Variants in ZNF148 observed in about 807,000 individuals in gnomAD.
ZNF148 encodes the protein Beta-Enolase Repressor Factor-1.
A neutral mutation model predicts 67.7 loss-of-function variants in ZNF148; 7 were observed. The observed-to-expected ratio is 0.10, with a 90% CI of 0.06 to 0.19. The LOEUF is 0.19. Among genes scored for constraint, ZNF148 ranks in the 10% least tolerant of loss-of-function variants. The pLI is 1.00. For missense variants in ZNF148, 583 were observed against 947.1 expected, an observed-to-expected ratio of 0.62 and a Z score of 5.05; for synonymous variants, 333 against 330.7, an observed-to-expected ratio of 1.01 and a Z score of -0.08.
intron 7 of ZNF148, among the ~76,000 whole-genome samples, chr3:125,251,448 C>T (rs1240264025): frequency 6.6e-6 from 1 of 152,160 alleles, no homozygotes; most frequent in African/African-American, 2.4e-5. Flanking sequence ...AGTGAACACA[C>T]CTGTGTAATT....
chr3:125,330,272 C>G (rs1941229113), intron 2 of ZNF148, among the ~76,000 whole-genome samples: 1 of 152,006 alleles, frequency 6.6e-6, no homozygotes, highest in Non-Finnish European at 1.5e-5. Flanking sequence ...CAAGACCCGC[C>G]TGGGCAACAT....
At chr3:125,368,083 T>C (rs1216631417) in intron 1 of ZNF148, among the ~76,000 whole-genome samples, 1 of 152,226 alleles carries the variant, frequency 6.6e-6, no homozygotes, top group Non-Finnish European at 1.5e-5. Context: ...TATGGTTCAC[T>C]TAAATCATTT....
chr3:125,262,584 A>T (rs1937394218), intron 7 of ZNF148, among the ~76,000 whole-genome samples: 1 of 152,260 alleles, frequency 6.6e-6, no homozygotes, highest in Non-Finnish European at 1.5e-5. Flanking sequence ...GGCTGAATTT[A>T]TTAAGAAACA....
At chr3:125,266,504 C>A (rs998323338) in intron 7 of ZNF148, among the ~76,000 whole-genome samples, 1 of 152,080 alleles carries the variant, frequency 6.6e-6, no homozygotes, top group Non-Finnish European at 1.5e-5. Context: ...AGGCAGAAAT[C>A]AAAATATTCT....
At chr3:125,366,820 A>C (rs1372781865) in intron 1 of ZNF148, among the ~76,000 whole-genome samples, 1 of 152,180 alleles carries the variant, frequency 6.6e-6, no homozygotes, top group African/African-American at 2.4e-5. Flanking sequence ...TTTGCCAATC[A>C]AAATCCTATC....
rs538577643 is a variant in ZNF148, at chr3:125,230,517, T to A, written c.*1824A>T. On this transcript the variant is annotated 3_prime_UTR_variant, in exon 9 of 9. Coordinates refer to ENST00000360647, the MANE Select transcript of ZNF148 (RefSeq NM_021964.3). ...AAAGTATACAGGAAACCACATTAAA[T>A]ATAATTTATATTCCTTATCATAAAA... 1 of 152,658 alleles carries A rather than the reference T, an allele frequency of 6.6e-6. No individual in the cohort carries two copies. Among genetic ancestry groups the A allele is most frequent in the South Asian group, 2.1e-4 (1 of 4,830 alleles). The allele number at this position is 152,658 out of a possible 1,614,324, so 9.5% of individuals were successfully genotyped here.
Position 125,276,595 on chromosome 3 carries a change from G to A in ZNF148, c.667+1131C>T, listed in dbSNP as rs576655536. 4.0e-5 allele frequency among the ~76,000 whole-genome samples: 6 copies of A among 151,866 alleles called. No homozygotes were observed. The South Asian group carries it at 8.3e-4, about 21-fold the overall frequency. On this transcript the variant is annotated intron_variant, in intron 7 of 8. Transcript: ENST00000360647. ...ATTACAGGCATGTGCTACCATGCCC[G>A]GCTAATTTTGTATTTTTAGTAGAGA...
chr3:125,246,580 A>G (rs1207601522), intron 7 of ZNF148, among the ~76,000 whole-genome samples: 2 of 152,216 alleles, frequency 1.3e-5, no homozygotes, highest in African/African-American at 4.8e-5. Flanking sequence ...GTAGGAATTT[A>G]AGAAAGAAGC....
intron 4 of ZNF148, among the ~76,000 whole-genome samples, chr3:125,300,955 AAT>A (rs1939556875): frequency 1.8e-5 from 1 of 55,612 alleles, no homozygotes; most frequent in African/African-American, 1.5e-4. Context: ...GGATAAGCCA[AAT>A]AGTTTTTTTA....
chr3:125,286,668 T>C (rs1264051074), intron 5 of ZNF148, among the ~76,000 whole-genome samples: 2 of 152,112 alleles, frequency 1.3e-5, no homozygotes, highest in African/African-American at 4.8e-5. Context: ...TATTAAGAAA[T>C]AGATTATGTA....
chr3:125,360,236 T>C (rs544837075), intron 1 of ZNF148, among the ~76,000 whole-genome samples: 2 of 152,302 alleles, frequency 1.3e-5, no homozygotes, highest in Admixed American at 6.5e-5. Context: ...CAACAAACAA[T>C]AGAACATCTT....
chr3:125,241,309 C>A (rs533748505), intron 7 of ZNF148, among the ~76,000 whole-genome samples: 2 of 146,368 alleles, frequency 1.4e-5, no homozygotes, highest in South Asian at 2.1e-4. Flanking sequence ...TTTCTTTTTT[C>A]TTTCTTTCTT....
intron 1 of ZNF148, among the ~76,000 whole-genome samples, chr3:125,335,067 T>C (rs1166889191): frequency 9.1e-6 from 1 of 110,002 alleles, no homozygotes; most frequent in Non-Finnish European, 1.9e-5. Context: ...TCCCACCACA[T>C]ACACTCAATC....
chr3:125,330,465 CAAAAA>C (rs200643048), intron 2 of ZNF148, among the ~76,000 whole-genome samples: 3 of 118,512 alleles, frequency 2.5e-5, no homozygotes, highest in Admixed American at 1.7e-4. Context: ...AACCCTATCT[CAAAAA>C]AAAAAAAAAA....
chr3:125,363,924 C>T (rs1401859398), intron 1 of ZNF148, among the ~76,000 whole-genome samples: 1 of 152,200 alleles, frequency 6.6e-6, no homozygotes, highest in Non-Finnish European at 1.5e-5. Flanking sequence ...GCTGAGATTA[C>T]AGGCATAAGC....
At chr3:125,257,411 C>T (rs1937134678) in intron 7 of ZNF148, among the ~76,000 whole-genome samples, 1 of 151,978 alleles carries the variant, frequency 6.6e-6, no homozygotes, top group African/African-American at 2.4e-5. Flanking sequence ...AAAAAATTAG[C>T]TGGACGTGGT....
intron 1 of ZNF148, chr3:125,344,936 C>T (rs1398591224): frequency 6.3e-6 from 1 of 158,940 alleles, no homozygotes; most frequent in Non-Finnish European, 1.4e-5. Flanking sequence ...TTTTAATGGC[C>T]CAATTATATG....
chr3:125,248,805 CA>C (rs1034661914), intron 7 of ZNF148, among the ~76,000 whole-genome samples: 2 of 152,186 alleles, frequency 1.3e-5, no homozygotes, highest in Non-Finnish European at 2.9e-5. Context: ...GTGACAAATT[CA>C]GCAGCTATCT....
chr3:125,308,571 A>G (rs1423438985), intron 4 of ZNF148, among the ~76,000 whole-genome samples: 1 of 151,630 alleles, frequency 6.6e-6, no homozygotes, highest in Non-Finnish European at 1.5e-5. Context: ...TCCATACTTT[A>G]TATGAAAATG....
Sources: gnomAD v4.1 joint callset for allele counts (sites outside exome capture counted in the v4.1 genomes callset) on GRCh38, gnomAD v4.1.1 for gene constraint, MANE v1.5 for transcripts, NCBI Gene and HGNC (gene_info 2026-07-23, HGNC 2026-07-21) for gene names.